STK32A: variants seen among roughly 807,000 people sequenced by gnomAD.
STK32A encodes serine/threonine kinase 32A.
In STK32A, 41 loss-of-function variants were observed where a neutral mutation model predicts 53.2. The observed-to-expected ratio is 0.77, with a 90% confidence interval of 0.60 to 1.00. STK32A has a LOEUF of 1.00. Among genes scored for constraint, STK32A ranks in the 50% least tolerant of loss-of-function variants. STK32A has a pLI of 0.00. For missense variants in STK32A, 458 were observed against 485.8 expected (o/e 0.94, Z 0.54); for synonymous variants, 166 against 162.8 (o/e 1.02, Z -0.15).
chr5:147,247,543 C>A (rs897356454), intron 2 of STK32A, among the ~76,000 whole-genome samples: 1 of 152,162 alleles, frequency 6.6e-6, no homozygotes, highest in Non-Finnish European at 1.5e-5. Flanking sequence ...ACTTGAGTAA[C>A]CTATACCTTT....
chr5:147,324,112 G>A (rs1182288100), intron 5 of STK32A, 41 bp downstream of exon 5: 1 of 1,531,350 alleles, frequency 6.5e-7, no homozygotes, highest in South Asian at 1.2e-5. Flanking sequence ...CGTAACGCAA[G>A]GAGAGAATCC....
chr5:147,357,694 T>G (rs1486041656), intron 7 of STK32A, among the ~76,000 whole-genome samples: 1 of 152,090 alleles, frequency 6.6e-6, no homozygotes, highest in Non-Finnish European at 1.5e-5. Context: ...AGATTTTAGA[T>G]GTGTTTGCTT....
the STK32A span, chr5:147,400,542 G>A: frequency 2.8e-6 from 3 of 1,083,472 alleles, no homozygotes; most frequent in Non-Finnish European, 3.9e-6. Context: ...TTTCCACACT[G>A]CCAGAGCCAC....
At chr5:147,317,251 G>A (rs1754041381) in intron 4 of STK32A, among the ~76,000 whole-genome samples, 1 of 150,592 alleles carries the variant, frequency 6.6e-6, no homozygotes. Flanking sequence ...GACGTGACAT[G>A]AAGGCAATCG....
intron 2 of STK32A, among the ~76,000 whole-genome samples, chr5:147,266,582 C>T (rs751266667): frequency 1.3e-5 from 2 of 152,036 alleles, no homozygotes; most frequent in African/African-American, 2.4e-5. Flanking sequence ...AATTATGCAC[C>T]TACTATGATA....
intron 5 of STK32A, among the ~76,000 whole-genome samples, chr5:147,330,943 CT>C (rs1281772571): frequency 2.6e-5 from 4 of 152,220 alleles, no homozygotes; most frequent in African/African-American, 9.6e-5. Flanking sequence ...GAGATCTGGG[CT>C]GGAGTGTCAC....
intron 5 of STK32A, among the ~76,000 whole-genome samples, chr5:147,332,291 C>T (rs999519617): frequency 3.3e-5 from 5 of 150,650 alleles, no homozygotes; most frequent in African/African-American, 1.2e-4. Context: ...TTGCCAGAGA[C>T]TGTCTTTGCT....
intron 2 of STK32A, among the ~76,000 whole-genome samples, chr5:147,266,443 TA>T (rs1379784785): frequency 2.0e-5 from 3 of 152,202 alleles, no homozygotes; most frequent in African/African-American, 7.2e-5. Flanking sequence ...AGAAGGTACA[TA>T]TTATAAATGA....
At chr5:147,238,352 G>A (rs1211843417) in intron 1 of STK32A, among the ~76,000 whole-genome samples, 2 of 152,120 alleles carry the variant, frequency 1.3e-5, no homozygotes. Flanking sequence ...CATCTGCCTG[G>A]CTCCTATAGG....
In STK32A at chr5:147,308,138, T is replaced by TTATA. The variant is rs3995475; in HGVS notation, c.261-15738_261-15735dup. Among the ~76,000 whole-genome samples, 392 of 148,406 alleles carry TTATA rather than the reference T, an allele frequency of 2.6e-3. 5 individuals are homozygous for TTATA. The highest frequency in any genetic ancestry group is 3.5e-3 in the African/African-American group (142 of 40,390). On this transcript the variant is annotated intron_variant, in intron 4 of 12. Coordinates refer to ENST00000397936, the MANE Select transcript of STK32A (RefSeq NM_001112724.2). The stretch of plus-strand genomic sequence containing the variant: ...ATATCAAATTTCCAATTCATACATT[T>TTATA]TATATATATATATATATATATATAT...
intron 3 of STK32A, 90 bp downstream of exon 3, chr5:147,278,269 G>T: frequency 9.7e-7 from 1 of 1,028,452 alleles, no homozygotes; most frequent in Non-Finnish European, 1.4e-6. Flanking sequence ...TTGAGTTGCT[G>T]GGACCGCAAG....
chr5:147,370,887 G>A (rs1458281271), intron 9 of STK32A, 117 bp downstream of exon 9: 14 of 574,642 alleles, frequency 2.4e-5, no homozygotes, highest in Non-Finnish European at 2.1e-5. Flanking sequence ...CATTTGTAGA[G>A]TGTATTTTCT....
intron 2 of STK32A, among the ~76,000 whole-genome samples, chr5:147,244,879 CAATT>C (rs988899705): frequency 8.5e-5 from 13 of 152,142 alleles, no homozygotes; most frequent in Admixed American, 7.9e-4. Context: ...AGTAACCACT[CAATT>C]AATGCTAATT....
At chr5:147,239,465 T>C in intron 1 of STK32A, 74 bp from the exon 2 acceptor site, 1 of 543,658 alleles carries the variant, frequency 1.8e-6, no homozygotes, top group Non-Finnish European at 3.3e-6. Flanking sequence ...AGGTTTATGT[T>C]TCCGCCACAG....
Position 147,355,792 on chromosome 5 carries a change from G to GTGTGTATATATATATATA in STK32A, c.562+4639_562+4640insGTGTATATATATATATAT. Among the ~76,000 whole-genome samples, 4 of 147,846 alleles carry GTGTGTATATATATATATA rather than the reference G, an allele frequency of 2.7e-5. No individual in the cohort carries two copies. The East Asian group carries it at 7.9e-4, about 29-fold the overall frequency. ...TATGTATGTGTGTGAGTGTGTGTGTGTATATATATATATATATATAAATAA... is the reference window on the plus strand; with the variant it reads ...TATGTATGTGTGTGAGTGTGTGTGTGTGTGTATATATATATATATATATATATATATATATATAAATAA... On this transcript the variant is annotated intron_variant, in intron 7 of 12. Transcript: ENST00000397936.
At chr5:147,287,799 A>T (rs1008451453) in intron 4 of STK32A, among the ~76,000 whole-genome samples, 6 of 152,048 alleles carry the variant, frequency 3.9e-5, no homozygotes, top group African/African-American at 1.4e-4. Context: ...CTGTCACTTC[A>T]CAACCTCCCT....
At chr5:147,236,025 G>A (rs570231624) in intron 1 of STK32A, among the ~76,000 whole-genome samples, 2 of 152,148 alleles carry the variant, frequency 1.3e-5, no homozygotes. Flanking sequence ...AAAATAAGTT[G>A]TGTCTATGCA....
chr5:147,373,079 A>T, intron 9 of STK32A, 90 bp from the exon 10 acceptor site: 1 of 1,527,066 alleles, frequency 6.5e-7, no homozygotes, highest in Non-Finnish European at 8.9e-7. Flanking sequence ...CTTCAGTCCT[A>T]CAGTTGAAAG....
intron 6 of STK32A, among the ~76,000 whole-genome samples, chr5:147,343,418 C>A (rs1391911853): frequency 6.6e-6 from 1 of 152,202 alleles, no homozygotes; most frequent in Non-Finnish European, 1.5e-5. Context: ...CCAGCAATAG[C>A]ATCTACCTAG....
Sources: gnomAD v4.1 joint callset for allele counts (sites outside exome capture counted in the v4.1 genomes callset) on GRCh38, gnomAD v4.1.1 for gene constraint, MANE v1.5 for transcripts, NCBI Gene and HGNC (gene_info 2026-07-23, HGNC 2026-07-21) for gene names.